Variants in CDH13 observed in about 807,000 individuals in gnomAD.
The protein encoded by CDH13 is cadherin-13.
CDH13 carries 24 observed loss-of-function variants against 63.8 expected under a neutral mutation model. The observed-to-expected ratio is 0.38, with a 90% CI of 0.27 to 0.53. The LOEUF (loss-of-function observed/expected upper bound fraction) is 0.53, where lower values mean the gene tolerates loss of function less well. CDH13 is among the 20% of genes least tolerant of loss of function. The pLI, the probability that CDH13 is intolerant of heterozygous loss-of-function variation, is 0.85. For synonymous variants in CDH13, 503 were observed against 355.3 expected (o/e 1.42, Z -4.67); for missense variants, 1,049 against 903.1 (o/e 1.16, Z -2.07).
intron 1 of CDH13, among the ~76,000 whole-genome samples, chr16:82,680,598 C>G (rs968893444): frequency 6.6e-6 from 1 of 152,180 alleles, no homozygotes; most frequent in African/African-American, 2.4e-5. Flanking sequence ...ATGGGTTACT[C>G]TGTCAGTGAT....
chr16:83,158,520 T>A (rs2037311930), intron 4 of CDH13, among the ~76,000 whole-genome samples: 1 of 152,204 alleles, frequency 6.6e-6, no homozygotes, highest in Admixed American at 6.5e-5. Context: ...AGACCTCTCC[T>A]GGTCTGACAC....
At chr16:83,114,643 G>A (rs1043394008) in intron 3 of CDH13, among the ~76,000 whole-genome samples, 2 of 152,176 alleles carry the variant, frequency 1.3e-5, no homozygotes, top group Non-Finnish European at 2.9e-5. Flanking sequence ...GTGGCCTCTA[G>A]AATATTGGGA....
At chr16:83,265,437 AG>A (rs1907492514) in intron 5 of CDH13, among the ~76,000 whole-genome samples, 3 of 152,220 alleles carry the variant, frequency 2.0e-5, no homozygotes, top group Non-Finnish European at 4.4e-5. Context: ...TGAACTTGGA[AG>A]ATTCATTATC....
At chr16:82,910,175 C>T (rs1178456059) in intron 2 of CDH13, among the ~76,000 whole-genome samples, 2 of 152,184 alleles carry the variant, frequency 1.3e-5, no homozygotes, top group South Asian at 2.1e-4. Context: ...TGCTGCTGAC[C>T]TGCATGCAGC....
intron 3 of CDH13, among the ~76,000 whole-genome samples, chr16:83,120,726 C>T (rs1233552549): frequency 6.7e-6 from 1 of 149,374 alleles, no homozygotes; most frequent in Non-Finnish European, 1.5e-5. Context: ...TGTTAAATAT[C>T]AGTTTTGTGT....
At chr16:83,345,067 G>T (rs1452682693) in intron 6 of CDH13, 61 bp downstream of exon 6, 1 of 1,570,772 alleles carries the variant, frequency 6.4e-7, no homozygotes, top group Non-Finnish European at 8.7e-7. Flanking sequence ...TTTGATCTTT[G>T]TGGATTCTAG....
intron 4 of CDH13, among the ~76,000 whole-genome samples, chr16:83,207,353 CTT>C: frequency 6.6e-6 from 1 of 152,196 alleles, no homozygotes; most frequent in Non-Finnish European, 1.5e-5. Flanking sequence ...CTGTAACTGG[CTT>C]ATTTCATTTA....
chr16:83,123,694 C>A (rs537653461), intron 3 of CDH13, among the ~76,000 whole-genome samples: 1 of 152,166 alleles, frequency 6.6e-6, no homozygotes, highest in African/African-American at 2.4e-5. Context: ...TTTGATATAA[C>A]GATTCCTTTT....
At position 83,456,621 on chromosome 16, in the gene CDH13, G is replaced by A. The variant is rs777272055; in HGVS notation, c.782-29856G>A. Among the ~76,000 whole-genome samples, 10 of 152,248 alleles carry A rather than the reference G, an allele frequency of 6.6e-5. No homozygotes were observed. In the East Asian group the frequency reaches 1.2e-3, roughly 18 times the overall value. ...GGGCATTTCAGACGCTGAGAAGTCC[G>A]GGGCAGGCTATGTTTAGGAAGCAGT... On this transcript the variant is annotated intron_variant, in intron 6 of 13. Coordinates refer to ENST00000567109, the MANE Select transcript of CDH13 (RefSeq NM_001257.5).
chr16:82,686,613 C>G lies in CDH13; in HGVS notation c.45+59476C>G, dbSNP rs532962206. 2.6e-5 allele frequency among the ~76,000 whole-genome samples: 4 copies of G among 152,242 alleles called. No individual in the cohort carries two copies. In the East Asian group the frequency reaches 7.7e-4, roughly 29 times the overall value. On this transcript the variant is annotated intron_variant, in intron 1 of 13. Transcript: ENST00000567109. ...CACTCTGGCCTTCGGTTTTTCAGCT[C>G]TAAAAATGAGAATATTCCTTTCCTC...
intron 2 of CDH13, among the ~76,000 whole-genome samples, chr16:82,956,863 A>T (rs1297245975): frequency 6.6e-6 from 1 of 152,234 alleles, no homozygotes; most frequent in Non-Finnish European, 1.5e-5. Context: ...TTCAAATGTC[A>T]GTGGCTTCAA....
chr16:83,436,938 C>T (rs899577856), intron 6 of CDH13, among the ~76,000 whole-genome samples: 1 of 152,140 alleles, frequency 6.6e-6, no homozygotes, highest in Non-Finnish European at 1.5e-5. Context: ...TCAGAAATCA[C>T]CACCATTTTT....
intron 6 of CDH13, among the ~76,000 whole-genome samples, chr16:83,385,537 C>T (rs1318567595): frequency 6.6e-6 from 1 of 152,110 alleles, no homozygotes; most frequent in Non-Finnish European, 1.5e-5. Context: ...TTATTTATAA[C>T]AAAATGTCTA....
intron 8 of CDH13, among the ~76,000 whole-genome samples, chr16:83,620,371 CAG>C (rs1347352484): frequency 8.2e-6 from 1 of 121,618 alleles, no homozygotes; most frequent in African/African-American, 3.2e-5. Context: ...AACCTGTCGA[CAG>C]AGCGAGACTC....
intron 1 of CDH13, among the ~76,000 whole-genome samples, chr16:82,692,511 A>G (rs531773362): frequency 6.6e-6 from 1 of 152,178 alleles, no homozygotes; most frequent in Non-Finnish European, 1.5e-5. Context: ...ATTCACTACC[A>G]TGAGAATGAC....
At chr16:83,059,348 A>G (rs1010212174) in intron 3 of CDH13, among the ~76,000 whole-genome samples, 2 of 152,098 alleles carry the variant, frequency 1.3e-5, no homozygotes, top group African/African-American at 4.8e-5. Flanking sequence ...TCTGTTTAGA[A>G]CAAGTTCCTG....
chr16:83,721,189 G>A (rs1909647427), intron 10 of CDH13: 1 of 152,254 alleles, frequency 6.6e-6, no homozygotes, highest in Non-Finnish European at 1.5e-5. Flanking sequence ...GTCACCACCA[G>A]TAGCCATCCA....
chr16:83,349,092 C>T (rs2090898649), intron 6 of CDH13, among the ~76,000 whole-genome samples: 1 of 152,192 alleles, frequency 6.6e-6, no homozygotes, highest in South Asian at 2.1e-4. Context: ...CAGCACTGAA[C>T]TCCGGGGTAT....
chr16:82,870,433 A>G (rs952908588), intron 2 of CDH13, among the ~76,000 whole-genome samples: 1 of 152,114 alleles, frequency 6.6e-6, no homozygotes, highest in Non-Finnish European at 1.5e-5. Flanking sequence ...TAAAAATAGA[A>G]CTACTATATG....
Sources: allele counts gnomAD v4.1 joint callset (sites outside exome capture counted in the v4.1 genomes callset), GRCh38; gene constraint gnomAD v4.1.1; transcripts MANE v1.5; gene names NCBI Gene and HGNC (gene_info 2026-07-23, HGNC 2026-07-21).